RIPOR3: variants seen among roughly 807,000 people sequenced by gnomAD.
RIPOR3 encodes the protein RIPOR family member 3.
A neutral mutation model predicts 114.3 loss-of-function variants in RIPOR3; 95 were observed. The ratio of observed to expected loss-of-function variants is 0.83; its 90% CI spans 0.70 to 0.99. RIPOR3 has a LOEUF of 0.99. Ranked by LOEUF, RIPOR3 falls within the 50% of genes least tolerant of loss-of-function variation. RIPOR3 has a pLI of 0.00. For missense variants in RIPOR3, 1,252 were observed against 1,266.9 expected (o/e 0.99, Z 0.18); for synonymous variants, 575 against 543.8 (o/e 1.06, Z -0.80).
rs552076911 is a variant in RIPOR3 at position 50,629,589 on chromosome 20, A to G, written c.122+1149T>C. On this transcript the variant is annotated intron_variant, in intron 2 of 21. Transcript: ENST00000327979. ...CCTGGCCCGGCCAGCACCCCCAGGG[A>G]ACTCAGCCACAGGGTCAATGCTGCC... 3.3e-3 allele frequency among the ~76,000 whole-genome samples: 507 copies of G among 152,224 alleles called. 2 individuals carry two copies. The highest frequency in any genetic ancestry group is 0.012 in the African/African-American group (478 of 41,538).
rs532735272 is a variant in RIPOR3, at chr20:50,611,062, C to T, written c.372+119G>A. The T allele has an allele frequency of 7.6e-5, 118 of 1,561,728 alleles. 1 individual carries two copies. The South Asian group carries it at 1.2e-3, about 16-fold the overall frequency. ...TCGCAGAGACTCAGCCTTCCCATTC[C>T]TAAAATGGGGAGGAGACCCAGGTTT... On this transcript the variant is annotated intron_variant, in intron 5 of 21. Coordinates refer to ENST00000327979, the MANE Select transcript of RIPOR3 (RefSeq NM_001290268.2).
At chr20:50,616,868 C>T (rs1428585713) in intron 3 of RIPOR3, among the ~76,000 whole-genome samples, 1 of 152,152 alleles carries the variant, frequency 6.6e-6, no homozygotes, top group Non-Finnish European at 1.5e-5. Flanking sequence ...CTAGGCCGGG[C>T]GCCGTGGCTG....
chr20:50,689,878 CA>C (rs2087150903), intron 1 of RIPOR3, among the ~76,000 whole-genome samples: 1 of 152,078 alleles, frequency 6.6e-6, no homozygotes, highest in Non-Finnish European at 1.5e-5. Flanking sequence ...TGGAATTTTC[CA>C]AGGGAAGAAA....
chr20:50,619,844 A>T, intron 3 of RIPOR3, 142 bp downstream of exon 3: 1 of 1,134,424 alleles, frequency 8.8e-7, no homozygotes, highest in Non-Finnish European at 1.2e-6. Context: ...ACCCTGACAT[A>T]CTTGCTTACT....
rs1418181169 is a variant in RIPOR3, at chr20:50,593,092, G to T, written c.2317C>A (p.Leu773Met). The change falls in exon 18 of 22, where the codon CTG (leucine) becomes ATG (methionine). Residue 773 changes from leucine to methionine, a missense_variant. By Grantham distance (15) the Leu-to-Met change is conservative. Coordinates refer to ENST00000327979, the MANE Select transcript of RIPOR3 (RefSeq NM_001290268.2). ...IITWFQFHSY[L>M]QRQSVSDLEK... ...AGGTCAGAGACGCTCTGCCTCTGCAGGTAGCTGTGAAACTGGAACCAGGTA... is the reference window on the plus strand; with the variant it reads ...AGGTCAGAGACGCTCTGCCTCTGCATGTAGCTGTGAAACTGGAACCAGGTA... The T allele has an allele frequency of 6.2e-7, 1 of 1,614,028 alleles. No individual in the cohort carries two copies. Among genetic ancestry groups the T allele is most frequent in the Non-Finnish European group, 8.5e-7 (1 of 1,180,058 alleles).
chr20:50,586,971 C>T lies in RIPOR3; in HGVS notation c.*261G>A, dbSNP rs1330463566. 2.3e-6 allele frequency: 1 copy of T among 433,568 alleles called. No individual in the cohort carries two copies. The highest frequency in any genetic ancestry group is 4.2e-6 in the Non-Finnish European group (1 of 238,478). 26.9% of individuals were successfully genotyped at this position (433,568 alleles called of 1,614,324 possible). A position where few individuals can be genotyped will look rare whatever the true frequency, so the allele number is the denominator to read the frequency against. ...TGCATCTCGGGGAAGGTCACACAGA[C>T]CCTCAGCCAGAAGTTGAGCGCTCTG... On this transcript the variant is annotated 3_prime_UTR_variant, in exon 22 of 22. Coordinates refer to ENST00000327979, the MANE Select transcript of RIPOR3 (RefSeq NM_001290268.2).
chr20:50,606,154 C>T (rs968251604), intron 11 of RIPOR3, among the ~76,000 whole-genome samples: 4 of 152,130 alleles, frequency 2.6e-5, no homozygotes, highest in African/African-American at 4.8e-5. Context: ...TGCAGTGAGC[C>T]GAGATTGCGC....
intron 1 of RIPOR3, among the ~76,000 whole-genome samples, chr20:50,640,226 CA>C: frequency 6.6e-6 from 1 of 152,202 alleles, no homozygotes; most frequent in African/African-American, 2.4e-5. Context: ...CCGTGACACA[CA>C]CACATGCTGT....
chr20:50,666,198 T>TTTTCTTTTCTTTTC (rs2086215101), intron 1 of RIPOR3, among the ~76,000 whole-genome samples: 1 of 96,720 alleles, frequency 1.0e-5, no homozygotes, highest in African/African-American at 5.4e-5. Context: ...TTTTCTTTTC[T>TTTTCTTTTCTTTTC]TTTCTTTTCT....
At chr20:50,627,569 G>A (rs1001578308) in intron 2 of RIPOR3, among the ~76,000 whole-genome samples, 2 of 151,572 alleles carry the variant, frequency 1.3e-5, no homozygotes, top group Admixed American at 1.3e-4. Context: ...TGTAATCCCA[G>A]CTACTCAGGA....
chr20:50,595,451 T>A lies in RIPOR3; in HGVS notation c.1968A>T (p.Glu656Asp). ...CCAGAACGTGCTTTTGCTGTGCCAC[T>A]TCTTCCAGGAGGCATTCCTGGACCA... is the stretch of plus-strand genomic sequence containing the variant. Reference protein sequence around the residue: ...SRLVQECLLEEVAQQKHVLET... With the variant: ...SRLVQECLLEDVAQQKHVLET... Residue 656 changes from glutamate to aspartate, a missense_variant, in exon 16 of 22, where the codon GAA becomes GAT. Transcript: ENST00000327979. The A allele has an allele frequency of 6.2e-7, 1 of 1,614,168 alleles. No homozygotes were observed.
intron 13 of RIPOR3, among the ~76,000 whole-genome samples, chr20:50,601,847 G>GC (rs912992496): frequency 6.6e-6 from 1 of 152,174 alleles, no homozygotes; most frequent in Non-Finnish European, 1.5e-5. Flanking sequence ...ATGTGCATGA[G>GC]CCTATCTACT....
At chr20:50,623,324 C>T (rs1026758781) in intron 2 of RIPOR3, among the ~76,000 whole-genome samples, 1 of 151,036 alleles carries the variant, frequency 6.6e-6, no homozygotes, top group Non-Finnish European at 1.5e-5. Context: ...TTAAGCTCAG[C>T]TGAACGGGGG....
chr20:50,687,605 A>C (rs555874102), intron 1 of RIPOR3, among the ~76,000 whole-genome samples: 1 of 152,156 alleles, frequency 6.6e-6, no homozygotes, highest in Non-Finnish European at 1.5e-5. Flanking sequence ...GTTTATTATA[A>C]ATTGTATTGA....
intron 4 of RIPOR3, among the ~76,000 whole-genome samples, chr20:50,612,507 G>C (rs561651201): frequency 6.6e-6 from 1 of 152,284 alleles, no homozygotes; most frequent in South Asian, 2.1e-4. Flanking sequence ...GGTTACCATG[G>C]GGTTGTAGAT....
At chr20:50,685,996 G>A (rs1344100042) in intron 1 of RIPOR3, among the ~76,000 whole-genome samples, 2 of 151,886 alleles carry the variant, frequency 1.3e-5, no homozygotes, top group Non-Finnish European at 1.5e-5. Context: ...TTAAAATTAC[G>A]TGACAAAGAA....
At chr20:50,593,228 C>T (rs879823796) in intron 17 of RIPOR3, 32 bp from the exon 18 acceptor site, 4 of 1,599,924 alleles carry the variant, frequency 2.5e-6, no homozygotes, top group Non-Finnish European at 3.4e-6. Flanking sequence ...TCAGGAGAAA[C>T]TGAGACCTCG....
chr20:50,641,836 G>A (rs904835611), intron 1 of RIPOR3, among the ~76,000 whole-genome samples: 4 of 152,174 alleles, frequency 2.6e-5, no homozygotes, highest in Admixed American at 6.5e-5. Flanking sequence ...GGAAGTGCCC[G>A]GCAGGACCTC....
intron 1 of RIPOR3, among the ~76,000 whole-genome samples, chr20:50,641,302 C>A (rs1479316592): frequency 1.3e-4 from 20 of 151,920 alleles, no homozygotes; most frequent in Non-Finnish European, 2.5e-4. Context: ...GCAGCCTTGA[C>A]CTCCTGGGTT....
Sources: allele counts gnomAD v4.1 joint callset (sites outside exome capture counted in the v4.1 genomes callset), GRCh38; gene constraint gnomAD v4.1.1; transcripts MANE v1.5; gene names NCBI Gene and HGNC (gene_info 2026-07-23, HGNC 2026-07-21).